Variants in ATE1 observed in about 807,000 individuals in gnomAD.
ATE1 encodes the protein arginyl-tRNA--protein transferase 1.
ATE1 carries 36 observed loss-of-function variants against 70.5 expected under a neutral mutation model. That is an observed-to-expected ratio of 0.51 (90% CI 0.39 to 0.67). The LOEUF is 0.67. Among genes scored for constraint, ATE1 ranks in the 30% least tolerant of loss-of-function variants. The pLI is 0.00. For synonymous variants in ATE1, 232 were observed against 219.3 expected, an observed-to-expected ratio of 1.06 and a Z score of -0.51; for missense variants, 593 against 629.5, an observed-to-expected ratio of 0.94 and a Z score of 0.62.
rs556425744 is a variant in ATE1 at position 121,742,051 on chromosome 10, G to A, written c.*1629C>T. The A allele has an allele frequency of 2.0e-5, 3 of 152,234 alleles. No individual in the cohort carries two copies. Among genetic ancestry groups the A allele is most frequent in the East Asian group, 1.9e-4 (1 of 5,178 alleles). 9.4% of individuals were successfully genotyped at this position (152,234 alleles called of 1,614,324 possible). A position where few individuals can be genotyped will look rare whatever the true frequency, so the allele number is the denominator to read the frequency against. ...AAGTAAGTCTCTCAAATGCTCTTAC[G>A]AGACTACTTTGCAGGTCAAAATCCC... On this transcript the variant is annotated 3_prime_UTR_variant, in exon 12 of 12. Transcript: ENST00000224652.
At chr10:121,915,619 G>A (rs942359421) in intron 3 of ATE1, among the ~76,000 whole-genome samples, 6 of 152,240 alleles carry the variant, frequency 3.9e-5, no homozygotes, top group East Asian at 1.9e-4. Flanking sequence ...GCCGGGCGCC[G>A]TGGCTCACAC....
intron 7 of ATE1, chr10:121,898,718 T>C: frequency 8.8e-7 from 1 of 1,140,394 alleles, no homozygotes; most frequent in Admixed American, 2.5e-5. Flanking sequence ...GTCATGTGAG[T>C]GTTCACAGAA....
intron 6 of ATE1, 98 bp downstream of exon 6, chr10:121,902,293 G>T: frequency 9.4e-7 from 1 of 1,061,614 alleles, no homozygotes; most frequent in Admixed American, 2.8e-5. Context: ...TATTTAACTA[G>T]CAAACATCAA....
intron 7 of ATE1, among the ~76,000 whole-genome samples, chr10:121,876,371 T>G (rs1002084016): frequency 6.6e-6 from 1 of 152,226 alleles, no homozygotes; most frequent in Non-Finnish European, 1.5e-5. Context: ...TTTTGCACCT[T>G]TCTCCCTAAT....
intron 8 of ATE1, among the ~76,000 whole-genome samples, chr10:121,849,589 T>C (rs1457512777): frequency 6.6e-6 from 1 of 152,224 alleles, no homozygotes; most frequent in African/African-American, 2.4e-5. Context: ...TATACCTATC[T>C]ACTCTGCCTC....
At chr10:121,872,336 T>C (rs1949890432) in intron 7 of ATE1, among the ~76,000 whole-genome samples, 1 of 152,190 alleles carries the variant, frequency 6.6e-6, no homozygotes, top group Non-Finnish European at 1.5e-5. Context: ...ACCTAAAAAA[T>C]TCTCATCCTG....
Position 121,741,966 on chromosome 10 carries a change from G to A in ATE1, c.*1714C>T, listed in dbSNP as rs1944161510. ...ACTTTTGTTATAATCATAAAATGAA[G>A]CTCTTTTCATTTTAGAGGAAAAAGA... On this transcript the variant is annotated 3_prime_UTR_variant, in exon 12 of 12. Transcript: ENST00000224652. 1 of 152,096 alleles carries A rather than the reference G, an allele frequency of 6.6e-6. No individual in the cohort carries two copies. Among genetic ancestry groups the A allele is most frequent in the African/African-American group, 2.4e-5 (1 of 41,420 alleles). The allele number at this position is 152,096 out of a possible 1,614,324, so 9.4% of individuals were successfully genotyped here.
upstream of ATE1, chr10:121,928,318 G>C: frequency 1.3e-6 from 2 of 1,512,240 alleles, no homozygotes; most frequent in South Asian, 2.5e-5. Context: ...CGCGGCGGCC[G>C]CGCCAACTCC....
intron 4 of ATE1, among the ~76,000 whole-genome samples, chr10:121,912,560 C>G (rs1951483095): frequency 1.3e-5 from 2 of 151,626 alleles, no homozygotes; most frequent in South Asian, 2.1e-4. Flanking sequence ...GCGGAGACAA[C>G]AGAATGCCTT....
At chr10:121,865,201 G>A (rs1158532377) in intron 8 of ATE1, among the ~76,000 whole-genome samples, 1 of 152,078 alleles carries the variant, frequency 6.6e-6, no homozygotes, top group East Asian at 1.9e-4. Flanking sequence ...TTGACATTCT[G>A]TAAGAATTAA....
chr10:121,762,219 T>C (rs1161171307), intron 11 of ATE1, among the ~76,000 whole-genome samples: 1 of 152,228 alleles, frequency 6.6e-6, no homozygotes, highest in Non-Finnish European at 1.5e-5. Context: ...AGGGCAATCC[T>C]TTTTCATTGA....
chr10:121,878,608 G>A (rs1053273771), intron 7 of ATE1, among the ~76,000 whole-genome samples: 26 of 143,036 alleles, frequency 1.8e-4, no homozygotes, highest in East Asian at 2.1e-4. Context: ...AAAAAGAAAA[G>A]AAAAGAAAAA....
At chr10:121,774,156 A>G (rs1945636735) in intron 11 of ATE1, among the ~76,000 whole-genome samples, 2 of 152,222 alleles carry the variant, frequency 1.3e-5, no homozygotes, top group African/African-American at 4.8e-5. Context: ...TTATCAATGG[A>G]TACGCAATAA....
At chr10:121,773,524 C>G (rs1590258605) in intron 11 of ATE1, among the ~76,000 whole-genome samples, 2 of 152,176 alleles carry the variant, frequency 1.3e-5, no homozygotes, top group South Asian at 4.1e-4. Context: ...CAATGCTCAG[C>G]TTACATGATT....
chr10:121,798,336 T>C (rs755472840), intron 10 of ATE1, among the ~76,000 whole-genome samples: 3 of 152,234 alleles, frequency 2.0e-5, no homozygotes, highest in Non-Finnish European at 2.9e-5. Context: ...CTCATGTCAA[T>C]TTAAAGTTTT....
intron 9 of ATE1, among the ~76,000 whole-genome samples, chr10:121,839,922 T>C (rs541044690): frequency 5.9e-5 from 9 of 152,210 alleles, no homozygotes; most frequent in Non-Finnish European, 1.2e-4. Flanking sequence ...CAGTACATTT[T>C]ACTGTGACGT....
At chr10:121,795,450 C>CA (rs1946624804) in intron 10 of ATE1, among the ~76,000 whole-genome samples, 1 of 152,028 alleles carries the variant, frequency 6.6e-6, no homozygotes. Context: ...TGACAGTGTA[C>CA]AACTGTCCCA....
intron 1 of ATE1, chr10:121,927,256 T>C (rs1382828463): frequency 1.0e-6 from 1 of 984,754 alleles, no homozygotes; most frequent in Non-Finnish European, 1.2e-6. Context: ...AAGCAAATGG[T>C]AAAAATTTCA....
chr10:121,855,197 T>G (rs1590512190), intron 8 of ATE1, among the ~76,000 whole-genome samples: 2 of 152,172 alleles, frequency 1.3e-5, no homozygotes, highest in African/African-American at 4.8e-5. Context: ...CTTATTAAAC[T>G]TTTGCTCCAA....
Sources: gnomAD v4.1 joint callset for allele counts (sites outside exome capture counted in the v4.1 genomes callset) on GRCh38, gnomAD v4.1.1 for gene constraint, MANE v1.5 for transcripts, NCBI Gene and HGNC (gene_info 2026-07-23, HGNC 2026-07-21) for gene names.